Variants in ACLY observed in about 807,000 individuals in gnomAD.
The protein encoded by ACLY is ATP-citrate synthase.
In ACLY, 41 loss-of-function variants were observed where a neutral mutation model predicts 133.0. The observed-to-expected ratio is 0.31, with a 90% confidence interval of 0.24 to 0.40. The LOEUF (loss-of-function observed/expected upper bound fraction) is 0.40. Among genes scored for constraint, ACLY ranks in the 10% least tolerant of loss-of-function variants. The probability of loss-of-function intolerance (pLI) is 1.00; values close to 1 mark genes in which losing one functional copy is unlikely to be tolerated. For missense variants in ACLY, 1,046 were observed against 1,453.8 expected (o/e 0.72, Z 4.56); for synonymous variants, 495 against 549.3 (o/e 0.90, Z 1.38).
At chr17:41,871,902 T>C in intron 24 of ACLY, 70 bp from the exon 25 acceptor site, 1 of 1,604,088 alleles carries the variant, frequency 6.2e-7, no homozygotes, top group Non-Finnish European at 8.5e-7. Context: ...ACCAACCCAG[T>C]GTGTCCCGAA....
chr17:41,914,439 G>A (rs566085520), intron 1 of ACLY, among the ~76,000 whole-genome samples: 6 of 152,084 alleles, frequency 3.9e-5, no homozygotes, highest in African/African-American at 7.2e-5. Flanking sequence ...ACACACCACC[G>A]GGCCAATGGC....
chr17:41,918,838 G>A (rs781936868), intron 1 of ACLY, 42 bp downstream of exon 1: 1 of 1,284,826 alleles, frequency 7.8e-7, no homozygotes. Context: ...AGCTCCTAGG[G>A]CGAGCGGGCT....
intron 18 of ACLY, among the ~76,000 whole-genome samples, chr17:41,885,778 A>G (rs1465988553): frequency 6.6e-6 from 1 of 152,084 alleles, no homozygotes; most frequent in Non-Finnish European, 1.5e-5. Context: ...CCTACTAAAG[A>G]GGGAAAATGG....
intron 3 of ACLY, among the ~76,000 whole-genome samples, chr17:41,910,800 C>T (rs1022335853): frequency 2.0e-5 from 3 of 152,148 alleles, no homozygotes; most frequent in African/African-American, 4.8e-5. Flanking sequence ...CTAATCAGTT[C>T]GAGTGATTCC....
At chr17:41,912,388 C>T (rs782616137) in intron 3 of ACLY, 32 bp downstream of exon 3, 3 of 1,607,654 alleles carry the variant, frequency 1.9e-6, no homozygotes, top group Non-Finnish European at 2.6e-6. Flanking sequence ...TCTGTTACCA[C>T]ACACGTTCAT....
At chr17:41,928,010 G>C (rs1051808277) in intron 1 of ACLY, among the ~76,000 whole-genome samples, 1 of 151,754 alleles carries the variant, frequency 6.6e-6, no homozygotes, top group Admixed American at 6.6e-5. Context: ...GTGGTGGTGC[G>C]TGTCTGTAGT....
At chr17:41,910,195 C>T in intron 4 of ACLY, 27 bp downstream of exon 4, 1 of 1,608,952 alleles carries the variant, frequency 6.2e-7, no homozygotes, top group Non-Finnish European at 8.5e-7. Flanking sequence ...AGGGAGAAGA[C>T]CCAGCCTGGA....
chr17:41,902,416 A>G (rs1440058278), intron 10 of ACLY, among the ~76,000 whole-genome samples: 2 of 152,124 alleles, frequency 1.3e-5, no homozygotes, highest in Non-Finnish European at 2.9e-5. Flanking sequence ...GCTTCACCAT[A>G]TTGGTTAGGC....
At chr17:41,907,840 C>T (rs2049769419) in intron 6 of ACLY, among the ~76,000 whole-genome samples, 2 of 152,206 alleles carry the variant, frequency 1.3e-5, no homozygotes, top group Admixed American at 1.3e-4. Context: ...AATTTTCAAA[C>T]ATCTTTACAA....
At chr17:41,880,436 T>C (rs2144250675) in intron 20 of ACLY, among the ~76,000 whole-genome samples, 1 of 152,328 alleles carries the variant, frequency 6.6e-6, no homozygotes, top group African/African-American at 2.4e-5. Context: ...GGATTTAATC[T>C]GCATCGGCAG....
chr17:41,868,588 C>T, intron 28 of ACLY, 121 bp downstream of exon 28: 1 of 595,952 alleles, frequency 1.7e-6, no homozygotes, highest in Admixed American at 4.3e-5. Context: ...AACTGAACCA[C>T]AAAAAGAAAA....
chr17:41,898,878 T>A lies in ACLY; in HGVS notation c.1184-93A>T. The A allele has an allele frequency of 2.3e-6, 3 of 1,320,006 alleles. No individual in the cohort carries two copies. The South Asian group carries it at 4.1e-5, about 18-fold the overall frequency. The allele number at this position is 1,320,006 out of a possible 1,614,324, so 81.8% of individuals were successfully genotyped here. On this transcript the variant is annotated intron_variant, in intron 11 of 28. Transcript: ENST00000352035. ...TGCAAAGGGCCTTTTACAGCCATGA[T>A]CAGTGTTTGGCGCATTCAGTGCAAG... is the stretch of plus-strand genomic sequence containing the variant.
intron 12 of ACLY, among the ~76,000 whole-genome samples, chr17:41,898,237 C>T (rs1458337750): frequency 1.3e-5 from 2 of 152,144 alleles, no homozygotes; most frequent in African/African-American, 2.4e-5. Context: ...CTGAGCCTCC[C>T]GAGTAGCTGG....
rs141186482 is a variant in ACLY at position 41,907,855 on chromosome 17, C to T, written c.617-283G>A. On this transcript the variant is annotated intron_variant, in intron 6 of 28. Coordinates refer to ENST00000352035, the MANE Select transcript of ACLY (RefSeq NM_001096.3). ...AATTTTCAAACATCTTTACAAAACGCTACACTCCCTGCTTTTGAGTATCTA... is the reference window on the plus strand; with the variant it reads ...AATTTTCAAACATCTTTACAAAACGTTACACTCCCTGCTTTTGAGTATCTA... Among the ~76,000 whole-genome samples, 441 of 152,312 alleles carry T rather than the reference C, an allele frequency of 2.9e-3. 1 individual carries two copies. The highest frequency in any genetic ancestry group is 4.9e-3 in the Non-Finnish European group (330 of 68,020).
intron 1 of ACLY, among the ~76,000 whole-genome samples, chr17:41,929,007 C>A (rs1555636289): frequency 6.6e-6 from 1 of 152,056 alleles, no homozygotes; most frequent in Non-Finnish European, 1.5e-5. Context: ...AGAACAGGAC[C>A]AGTTTCACTG....
chr17:41,910,691 C>G (rs1252429183), intron 3 of ACLY, among the ~76,000 whole-genome samples: 2 of 152,188 alleles, frequency 1.3e-5, no homozygotes, highest in African/African-American at 2.4e-5. Context: ...GGACATGGGT[C>G]CGGGCGCAGG....
At chr17:41,897,942 C>A in intron 12 of ACLY, 103 bp from the exon 13 acceptor site, 2 of 938,798 alleles carry the variant, frequency 2.1e-6, no homozygotes, top group Non-Finnish European at 3.2e-6. Context: ...AAAAATTATG[C>A]ACAGCAATGC....
intron 20 of ACLY, among the ~76,000 whole-genome samples, chr17:41,881,855 C>T (rs145351354): frequency 1.2e-3 from 186 of 152,288 alleles, no homozygotes; most frequent in African/African-American, 4.4e-3. Flanking sequence ...TCCCCTTTTA[C>T]TTACATGGAA....
intron 14 of ACLY, 104 bp downstream of exon 14, chr17:41,896,516 C>T (rs145433699): frequency 8.0e-4 from 859 of 1,072,966 alleles, no homozygotes; most frequent in Non-Finnish European, 1.1e-3. Context: ...ATAGACCAGA[C>T]GACACTGCAA....
Sources: allele counts gnomAD v4.1 joint callset (sites outside exome capture counted in the v4.1 genomes callset), GRCh38; gene constraint gnomAD v4.1.1; transcripts MANE v1.5; gene names NCBI Gene and HGNC (gene_info 2026-07-23, HGNC 2026-07-21).